The following SLC1A3 variants were observed in gnomAD, a reference collection of about 807,000 sequenced individuals.
SLC1A3 encodes the protein excitatory amino acid transporter 1.
A neutral mutation model predicts 48.1 loss-of-function variants in SLC1A3; 21 were observed. That is an observed-to-expected ratio of 0.44 (90% CI 0.31 to 0.63). The LOEUF (loss-of-function observed/expected upper bound fraction) is 0.63, where lower values mean the gene tolerates loss of function less well. Among genes scored for constraint, SLC1A3 ranks in the 20% least tolerant of loss-of-function variants. The probability of loss-of-function intolerance (pLI) is 0.08; values close to 1 mark genes in which losing one functional copy is unlikely to be tolerated. For synonymous variants in SLC1A3, 239 were observed against 251.4 expected (o/e 0.95, Z 0.47); for missense variants, 546 against 689.0 (o/e 0.79, Z 2.32).
intron 2 of SLC1A3, chr5:36,609,090 T>C (rs1739088439): frequency 3.0e-6 from 3 of 988,004 alleles, no homozygotes; most frequent in Non-Finnish European, 2.4e-6. Flanking sequence ...CCGAATATTT[T>C]ATGTGTTTGC....
intron 3 of SLC1A3, among the ~76,000 whole-genome samples, chr5:36,646,070 C>G (rs1740829062): frequency 1.3e-5 from 2 of 152,220 alleles, no homozygotes; most frequent in African/African-American, 4.8e-5. Flanking sequence ...CCAGGAGACT[C>G]TTTGGAGTAA....
In SLC1A3 at chr5:36,629,443, C is replaced by CTTTTT; in HGVS notation, c.182-7_182-6insTTTTT. ...TTTCTTTTTCTTTTTTTTTTTTTTT[C>CTTTTT]CTTCAGGTACAATCCTTGGATTTAC... On this transcript the variant is annotated splice_polypyrimidine_tract_variant and splice_region_variant and intron_variant, in intron 2 of 9. Transcript: ENST00000265113. 2 of 1,418,272 alleles carry CTTTTT rather than the reference C, an allele frequency of 1.4e-6. No homozygotes were observed. The highest frequency in any genetic ancestry group is 2.2e-5 in the Admixed American group (1 of 46,040). The allele number at this position is 1,418,272 out of a possible 1,614,324, so 87.9% of individuals were successfully genotyped here.
chr5:36,614,425 GT>G (rs1435023626), intron 2 of SLC1A3, among the ~76,000 whole-genome samples: 1 of 152,176 alleles, frequency 6.6e-6, no homozygotes, highest in African/African-American at 2.4e-5. Context: ...AGCCAAGAGA[GT>G]TGTAGGAAGA....
intron 3 of SLC1A3, among the ~76,000 whole-genome samples, chr5:36,631,708 C>T (rs1268794281): frequency 2.0e-5 from 3 of 152,180 alleles, no homozygotes; most frequent in Non-Finnish European, 4.4e-5. Flanking sequence ...AGGTGTTAGT[C>T]TGAAGTGAGT....
At chr5:36,655,816 T>C (rs906019635) in intron 3 of SLC1A3, among the ~76,000 whole-genome samples, 3 of 152,224 alleles carry the variant, frequency 2.0e-5, no homozygotes, top group Admixed American at 1.3e-4. Context: ...TTTTGACTTT[T>C]TGATGACAGA....
At chr5:36,625,177 G>C (rs1023250776) in intron 2 of SLC1A3, among the ~76,000 whole-genome samples, 3 of 152,238 alleles carry the variant, frequency 2.0e-5, no homozygotes, top group African/African-American at 7.2e-5. Flanking sequence ...TAGACACAAG[G>C]CCTGGTACAG....
chr5:36,625,736 C>A (rs898933060), intron 2 of SLC1A3, among the ~76,000 whole-genome samples: 6 of 152,140 alleles, frequency 3.9e-5, no homozygotes, highest in African/African-American at 1.4e-4. Context: ...CTAAAACTAT[C>A]CCTTATAAAT....
At chr5:36,611,659 G>A (rs548471651) in intron 2 of SLC1A3, among the ~76,000 whole-genome samples, 4 of 152,214 alleles carry the variant, frequency 2.6e-5, no homozygotes, top group Admixed American at 6.5e-5. Context: ...TAGAGGGCCC[G>A]TCATGAAAGC....
At chr5:36,644,117 T>C (rs1232978947) in intron 3 of SLC1A3, among the ~76,000 whole-genome samples, 2 of 152,094 alleles carry the variant, frequency 1.3e-5, no homozygotes, top group East Asian at 3.9e-4. Flanking sequence ...TTATGTACTT[T>C]TGAAGTAAAA....
chr5:36,686,156 G>A lies in SLC1A3; in HGVS notation c.1516G>A (p.Asp506Asn), dbSNP rs773871568. 3 of 1,614,058 alleles carry A rather than the reference G, an allele frequency of 1.9e-6. No homozygotes were observed. Reference protein sequence around the residue: ...HLSRHELKNRDVEMGNSVIEE... With the variant: ...HLSRHELKNRNVEMGNSVIEE... ...GTCACGACATGAACTGAAGAACAGA[G>A]ATGTTGAAATGGGTAACTCAGTGAT... The change falls in exon 10 of 10, where the codon GAT becomes AAT. Residue 506 changes from aspartate to asparagine, a missense_variant. Physicochemically the swap from Asp to Asn is conservative, Grantham distance 23. Coordinates refer to ENST00000265113, the MANE Select transcript of SLC1A3 (RefSeq NM_004172.5).
chr5:36,680,373 T>C (rs747867919), intron 7 of SLC1A3, 22 bp from the exon 8 acceptor site: 6 of 1,605,274 alleles, frequency 3.7e-6, no homozygotes, highest in Middle Eastern at 1.7e-4. Context: ...TCAGCTGATG[T>C]GCCCTATTTC....
intron 3 of SLC1A3, among the ~76,000 whole-genome samples, chr5:36,644,932 A>T (rs1740775131): frequency 6.6e-6 from 1 of 152,186 alleles, no homozygotes; most frequent in Non-Finnish European, 1.5e-5. Context: ...TCTGGATTAC[A>T]TACCCAAGTT....
At chr5:36,623,916 T>C (rs1739797177) in intron 2 of SLC1A3, among the ~76,000 whole-genome samples, 1 of 151,898 alleles carries the variant, frequency 6.6e-6, no homozygotes, top group Admixed American at 6.5e-5. Context: ...CTACGTCTCC[T>C]TGGTCGGAAA....
At chr5:36,617,023 G>A (rs556811867) in intron 2 of SLC1A3, among the ~76,000 whole-genome samples, 27 of 152,232 alleles carry the variant, frequency 1.8e-4, no homozygotes, top group African/African-American at 5.5e-4. Flanking sequence ...TGCTTTCCAC[G>A]AGACGATGGG....
At chr5:36,609,547 T>C (rs536553798) in intron 2 of SLC1A3, among the ~76,000 whole-genome samples, 3 of 152,216 alleles carry the variant, frequency 2.0e-5, no homozygotes, top group Admixed American at 1.3e-4. Context: ...AAAGAGGTAA[T>C]GATTTAATAA....
intron 3 of SLC1A3, among the ~76,000 whole-genome samples, chr5:36,667,134 T>G (rs949887580): frequency 6.6e-6 from 1 of 152,180 alleles, no homozygotes; most frequent in African/African-American, 2.4e-5. Flanking sequence ...AAAATAAGAC[T>G]CAAGTGCTCA....
At chr5:36,603,121 C>G (rs920012276), upstream of SLC1A3, among the ~76,000 whole-genome samples, 19 of 152,178 alleles carry the variant, frequency 1.2e-4, no homozygotes, top group African/African-American at 1.7e-4. Context: ...GGCTGGCTCC[C>G]CATTGACTAG....
At chr5:36,611,328 G>GA (rs1244322128) in intron 2 of SLC1A3, among the ~76,000 whole-genome samples, 1 of 141,644 alleles carries the variant, frequency 7.1e-6, no homozygotes, top group African/African-American at 2.6e-5. Flanking sequence ...GTACTGGGTT[G>GA]AATCTTTTGT....
intron 7 of SLC1A3, 150 bp downstream of exon 7, chr5:36,680,010 T>C (rs1375364728): frequency 8.9e-5 from 62 of 698,062 alleles, no homozygotes; most frequent in Non-Finnish European, 1.5e-5. Context: ...ATCACACCTG[T>C]TTGGGATTCA....
Sources: allele counts gnomAD v4.1 joint callset (sites outside exome capture counted in the v4.1 genomes callset), GRCh38; gene constraint gnomAD v4.1.1; transcripts MANE v1.5; gene names NCBI Gene and HGNC (gene_info 2026-07-23, HGNC 2026-07-21).